The following SLC22A8 variants were observed in gnomAD, a reference collection of about 807,000 sequenced individuals.
SLC22A8 encodes the protein organic anion transporter 3.
A neutral mutation model predicts 48.4 loss-of-function variants in SLC22A8; 40 were observed. The ratio of observed to expected loss-of-function variants is 0.83; its 90% CI spans 0.64 to 1.08. The LOEUF (loss-of-function observed/expected upper bound fraction) is 1.08. SLC22A8 is among the 50% of genes least tolerant of loss of function. SLC22A8 has a pLI of 0.00. For missense variants in SLC22A8, 606 were observed against 699.0 expected (o/e 0.87, Z 1.50); for synonymous variants, 268 against 286.3 (o/e 0.94, Z 0.65).
In SLC22A8 at chr11:63,006,297, A is replaced by T. The variant is rs114356197; in HGVS notation, c.334-5474T>A. On this transcript the variant is annotated intron_variant, in intron 2 of 10. Coordinates refer to ENST00000336232, the MANE Select transcript of SLC22A8 (RefSeq NM_004254.4). ...TCTCTTTGCTTTGGTGCTGGTTATGATCCCCTTATTCTAGTAGTGTTGGCA... is the reference window on the plus strand; with the variant it reads ...TCTCTTTGCTTTGGTGCTGGTTATGTTCCCCTTATTCTAGTAGTGTTGGCA... Among the ~76,000 whole-genome samples, 834 of 152,226 alleles carry T rather than the reference A, an allele frequency of 5.5e-3. 6 individuals are homozygous for T. The highest frequency in any genetic ancestry group is 0.018 in the African/African-American group (732 of 41,534).
chr11:63,003,101 T>C (rs1384346015), intron 2 of SLC22A8, among the ~76,000 whole-genome samples: 1 of 152,230 alleles, frequency 6.6e-6, no homozygotes, highest in Non-Finnish European at 1.5e-5. Flanking sequence ...TAATGCCCCA[T>C]TAACATGGGT....
chr11:62,999,147 G>A lies in SLC22A8; in HGVS notation c.593-58C>T, dbSNP rs997681920. 4.4e-5 allele frequency: 65 copies of A among 1,478,714 alleles called. No homozygotes were observed. In the East Asian group the frequency reaches 5.5e-4, roughly 13 times the overall value. 91.6% of individuals were successfully genotyped at this position (1,478,714 alleles called of 1,614,324 possible). A position where few individuals can be genotyped will look rare whatever the true frequency, so the allele number is the denominator to read the frequency against. On this transcript the variant is annotated intron_variant, in intron 4 of 10. Coordinates refer to ENST00000336232, the MANE Select transcript of SLC22A8 (RefSeq NM_004254.4). ...TCTGCTAGGTCCCAGGCACCTCCGC[G>A]TGAAGGGGCACCAGCTTCTGCATCC...
chr11:62,995,651 C>T (rs745666124), intron 7 of SLC22A8, 53 bp downstream of exon 7: 5 of 1,304,366 alleles, frequency 3.8e-6, no homozygotes, highest in African/African-American at 1.4e-5. Flanking sequence ...CTACTGGAGG[C>T]CTTGTCTATC....
Position 62,993,018 on chromosome 11 carries a change from A to G in SLC22A8, c.*219T>C, listed in dbSNP as rs2086361320. ...GGGAAGGGCTAGACAGAAGAATGGC[A>G]GGGCCTGGGTTGCAGGGAGAACAAG... On this transcript the variant is annotated 3_prime_UTR_variant, in exon 11 of 11. Transcript: ENST00000336232. 1 of 574,256 alleles carries G rather than the reference A, an allele frequency of 1.7e-6. No homozygotes were observed. Among genetic ancestry groups the G allele is most frequent in the South Asian group, 2.3e-5 (1 of 42,980 alleles). 35.6% of individuals were successfully genotyped at this position (574,256 alleles called of 1,614,324 possible).
intron 3 of SLC22A8, 37 bp from the exon 4 acceptor site, chr11:62,999,879 C>T (rs1463438812): frequency 4.2e-6 from 6 of 1,435,918 alleles, no homozygotes; most frequent in Non-Finnish European, 5.5e-6. Context: ...AGGTTAGCCA[C>T]AGTGTGCCTG....
At position 63,003,458 on chromosome 11, in the gene SLC22A8, G is replaced by A. The variant is rs79968900; in HGVS notation, c.334-2635C>T. ...GGGGCCTGCATGGTATGTGTGTTGG[G>A]AGGAGATGGAGGAGGGACAAAGGTA... On this transcript the variant is annotated intron_variant, in intron 2 of 10. Coordinates refer to ENST00000336232, the MANE Select transcript of SLC22A8 (RefSeq NM_004254.4). Among the ~76,000 whole-genome samples, 45 of 152,248 alleles carry A rather than the reference G, an allele frequency of 3.0e-4. No homozygotes were observed. In the East Asian group the frequency reaches 8.3e-3, roughly 28 times the overall value.
chr11:62,993,613 C>A lies in SLC22A8; in HGVS notation c.1340G>T (p.Gly447Val), dbSNP rs772593230. 3.1e-6 allele frequency: 5 copies of A among 1,608,316 alleles called. No homozygotes were observed. The East Asian group carries it at 1.1e-4, about 36-fold the overall frequency. The change falls in exon 10 of 11, where the codon GGC (glycine) becomes GTC (valine). Residue 447 changes from glycine (G) to valine (V), a missense_variant. Coordinates refer to ENST00000336232, the MANE Select transcript of SLC22A8 (RefSeq NM_004254.4). Reference sequence around the variant, plus strand: ...CACGCGGGTCCACAGGTTACTTACGCCCATACCTGTTTGCCTGCGAGGGTT... The same window carrying A: ...CACGCGGGTCCACAGGTTACTTACGACCATACCTGTTTGCCTGCGAGGGTT... Reference protein sequence around the residue: ...YPTVIRQTGMGVSNLWTRVGS... With the variant: ...YPTVIRQTGMVVSNLWTRVGS...
At chr11:63,002,768 G>A (rs1443786163) in intron 2 of SLC22A8, among the ~76,000 whole-genome samples, 1 of 152,062 alleles carries the variant, frequency 6.6e-6, no homozygotes, top group Non-Finnish European at 1.5e-5. Context: ...TCATCATCTT[G>A]CACTTAGATT....
In SLC22A8 at chr11:62,994,772, G is replaced by T; in HGVS notation, c.1002-16C>A. On this transcript the variant is annotated splice_polypyrimidine_tract_variant and intron_variant, in intron 7 of 10. Transcript: ENST00000336232. ...GGTAGCAAACCTGAGAGGCAGAGAAGGATTGGTTAGCACCTGCAGCCAGGC... is the reference window on the plus strand; with the variant it reads ...GGTAGCAAACCTGAGAGGCAGAGAATGATTGGTTAGCACCTGCAGCCAGGC... 1 of 1,608,636 alleles carries T rather than the reference G, an allele frequency of 6.2e-7. No homozygotes were observed. The highest frequency in any genetic ancestry group is 8.5e-7 in the Non-Finnish European group (1 of 1,175,064).
At chr11:63,009,704 A>G (rs1254512207) in intron 2 of SLC22A8, among the ~76,000 whole-genome samples, 1 of 152,128 alleles carries the variant, frequency 6.6e-6, no homozygotes, top group Non-Finnish European at 1.5e-5. Context: ...CTGCCAGGAA[A>G]GCTTAGGGGA....
rs528874083 is a variant in SLC22A8 at position 62,995,834 on chromosome 11, G to C, written c.886-15C>G. 1.6e-5 allele frequency: 26 copies of C among 1,596,732 alleles called. No individual in the cohort carries two copies. The Middle Eastern group carries it at 9.9e-4, about 61-fold the overall frequency. Reference sequence around the variant, plus strand: ...AGTTTGAGCTCCTTCGGGCAGAGGAGGGGGAGGGGTGCCATTAATGACCAG... The same window carrying C: ...AGTTTGAGCTCCTTCGGGCAGAGGACGGGGAGGGGTGCCATTAATGACCAG... On this transcript the variant is annotated splice_polypyrimidine_tract_variant and intron_variant, in intron 6 of 10. Transcript: ENST00000336232.
chr11:62,995,848 A>G (rs1176154934), intron 6 of SLC22A8, 29 bp from the exon 7 acceptor site: 1 of 1,564,780 alleles, frequency 6.4e-7, no homozygotes, highest in East Asian at 2.2e-5. Flanking sequence ...GAGGGGTGCC[A>G]TTAATGACCA....
chr11:62,998,855 G>T, intron 5 of SLC22A8, 66 bp downstream of exon 5: 2 of 1,463,550 alleles, frequency 1.4e-6, no homozygotes, highest in Non-Finnish European at 9.4e-7. Flanking sequence ...GCCTGGGCAG[G>T]TATGGGCTCC....
intron 2 of SLC22A8, among the ~76,000 whole-genome samples, chr11:63,005,578 T>G (rs2086544899): frequency 1.3e-5 from 2 of 152,166 alleles, no homozygotes; most frequent in African/African-American, 4.8e-5. Flanking sequence ...AGTTATAATA[T>G]GAGGAGATTA....
chr11:63,012,744 C>T (rs1347677327), intron 2 of SLC22A8, among the ~76,000 whole-genome samples: 1 of 152,230 alleles, frequency 6.6e-6, no homozygotes. Context: ...GTGTATTCCA[C>T]CAAACTGCCC....
chr11:62,996,933 G>A (rs186391468), intron 5 of SLC22A8, among the ~76,000 whole-genome samples: 277 of 152,356 alleles, frequency 1.8e-3, no homozygotes, highest in African/African-American at 6.5e-3. Context: ...ATCCGGTGAG[G>A]CCCTCAGGGA....
At chr11:63,014,497 CTT>C in intron 2 of SLC22A8, 127 bp downstream of exon 2, 1 of 797,160 alleles carries the variant, frequency 1.3e-6, no homozygotes, top group Non-Finnish European at 2.0e-6. Context: ...GGTCCTTCCT[CTT>C]TGCCTGCCCA....
In SLC22A8 at chr11:63,015,034, G is replaced by A. The variant is rs534353424; in HGVS notation, c.-25-51C>T. The A allele has an allele frequency of 7.6e-5, 98 of 1,294,544 alleles. 2 individuals carry two copies. The South Asian group carries it at 8.9e-4, about 12-fold the overall frequency. 80.2% of individuals were successfully genotyped at this position (1,294,544 alleles called of 1,614,324 possible). A position where few individuals can be genotyped will look rare whatever the true frequency, so the allele number is the denominator to read the frequency against. ...GAGGTATATTTGTGCCTGGTAGTGC[G>A]TGGGTCTATGGAACGATATGTGGGA... On this transcript the variant is annotated intron_variant, in intron 1 of 10. Coordinates refer to ENST00000336232, the MANE Select transcript of SLC22A8 (RefSeq NM_004254.4).
Position 63,014,799 on chromosome 11 carries a change from T to G in SLC22A8, c.160A>C (p.Asn54His). 1 of 1,612,932 alleles carries G rather than the reference T, an allele frequency of 6.2e-7. No individual in the cohort carries two copies. Among genetic ancestry groups the G allele is most frequent in the Non-Finnish European group, 8.5e-7 (1 of 1,179,120 alleles). The change falls in exon 2 of 11, where the codon AAT becomes CAT. Residue 54 changes from asparagine (N) to histidine (H), a missense_variant. Coordinates refer to ENST00000336232, the MANE Select transcript of SLC22A8 (RefSeq NM_004254.4). ...AGCACCCAAGGCCCTGTGGAGGCATTGTGGGGCGGGCGACAGTGGTGGACA... is the reference window on the plus strand; with the variant it reads ...AGCACCCAAGGCCCTGTGGAGGCATGGTGGGGCGGGCGACAGTGGTGGACA... ...TPVHHCRPPH[N>H]ASTGPWVLPM...
Sources: allele counts gnomAD v4.1 joint callset (sites outside exome capture counted in the v4.1 genomes callset), GRCh38; gene constraint gnomAD v4.1.1; transcripts MANE v1.5; gene names NCBI Gene and HGNC (gene_info 2026-07-23, HGNC 2026-07-21).